TMEM184A: variants seen among roughly 807,000 people sequenced by gnomAD.
TMEM184A encodes sexually dimorphic, expressed in male gonads 1.
A neutral mutation model predicts 39.5 loss-of-function variants in TMEM184A; 40 were observed. That is an observed-to-expected ratio of 1.01 (90% CI 0.79 to 1.32). The LOEUF (loss-of-function observed/expected upper bound fraction) is 1.32. Among genes scored for constraint, TMEM184A ranks in the 40% most tolerant of loss-of-function variants. TMEM184A has a pLI of 0.00. For missense variants in TMEM184A, 603 were observed against 568.8 expected (o/e 1.06, Z -0.61); for synonymous variants, 280 against 252.3 (o/e 1.11, Z -1.04).
In TMEM184A at chr7:1,548,587, A is replaced by G. The variant is rs1364384967; in HGVS notation, c.746T>C (p.Leu249Pro). The change falls in exon 7 of 9, where the codon CTG (leucine) becomes CCG (proline). Residue 249 changes from leucine (L) to proline (P), a missense_variant. Transcript: ENST00000297477. Reference protein sequence around the residue: ...FLFYFTTRELLRPFQPVLKFL... With the variant: ...FLFYFTTRELPRPFQPVLKFL... Reference sequence around the variant, plus strand: ...CTTGAGGACGGGCTGGAAGGGCCGCAGGAGCTCCCTGGTGGTGAAGTAGAA... The same window carrying G: ...CTTGAGGACGGGCTGGAAGGGCCGCGGGAGCTCCCTGGTGGTGAAGTAGAA... The G allele has an allele frequency of 1.2e-6, 2 of 1,613,826 alleles. No homozygotes were observed. Among genetic ancestry groups the G allele is most frequent in the Non-Finnish European group, 1.7e-6 (2 of 1,179,954 alleles).
rs1240094818 is a variant in TMEM184A, at chr7:1,546,853, G to A, written c.*99C>T. ...GCCTCACAGGTGGGCTCTCAGGAGA[G>A]GCCCCACCTTTGGCAGGAGTTGGTG... is the stretch of plus-strand genomic sequence containing the variant. On this transcript the variant is annotated 3_prime_UTR_variant, in exon 9 of 9. Transcript: ENST00000297477. 2.5e-6 allele frequency: 2 copies of A among 811,138 alleles called. No individual in the cohort carries two copies. Among genetic ancestry groups the A allele is most frequent in the African/African-American group, 1.7e-5 (1 of 57,158 alleles). The allele number at this position is 811,138 out of a possible 1,614,324, so 50.2% of individuals were successfully genotyped here. A position where few individuals can be genotyped will look rare whatever the true frequency, so the allele number is the denominator to read the frequency against.
chr7:1,548,335 G>A (rs780277942), intron 7 of TMEM184A, among the ~76,000 whole-genome samples, 184 bp downstream of exon 7: 6 of 152,044 alleles, frequency 3.9e-5, no homozygotes, highest in African/African-American at 1.2e-4. Context: ...CCACTCCCCC[G>A]TGCTGGCGGG....
Position 1,546,910 on chromosome 7 carries a change from T to A in TMEM184A, c.*42A>T, listed in dbSNP as rs1194714331. The A allele has an allele frequency of 7.3e-7, 1 of 1,372,686 alleles. No homozygotes were observed. The highest frequency in any genetic ancestry group is 1.5e-5 in the African/African-American group (1 of 68,596). The allele number at this position is 1,372,686 out of a possible 1,614,324, so 85.0% of individuals were successfully genotyped here. A position where few individuals can be genotyped will look rare whatever the true frequency, so the allele number is the denominator to read the frequency against. On this transcript the variant is annotated 3_prime_UTR_variant, in exon 9 of 9. Coordinates refer to ENST00000297477, the MANE Select transcript of TMEM184A (RefSeq NM_001097620.2). ...GGGACCCTGTTCTTCCCCAGAGGCCTGGGCAGCCTGGGTCCCTACAGCACT... is the reference window on the plus strand; with the variant it reads ...GGGACCCTGTTCTTCCCCAGAGGCCAGGGCAGCCTGGGTCCCTACAGCACT...
intron 2 of TMEM184A, among the ~76,000 whole-genome samples, chr7:1,552,187 AG>A (rs1417833855): frequency 6.6e-6 from 1 of 152,150 alleles, no homozygotes; most frequent in Non-Finnish European, 1.5e-5. Context: ...TGTGTTGCCC[AG>A]GCTGGTCTCA....
intron 2 of TMEM184A, among the ~76,000 whole-genome samples, chr7:1,554,786 A>G (rs1023818995): frequency 9.9e-4 from 150 of 152,238 alleles, no homozygotes; most frequent in African/African-American, 3.4e-3. Flanking sequence ...CCTGCACAGG[A>G]GTCCCGGTCC....
At position 1,542,562 on chromosome 7, in the gene TMEM184A, C is replaced by T. The variant is rs1022978396; in HGVS notation, c.*4390G>A. On this transcript the variant is annotated 3_prime_UTR_variant, in exon 9 of 9. Coordinates refer to ENST00000297477, the MANE Select transcript of TMEM184A (RefSeq NM_001097620.2). ...GCTGGAGAAGGGACTCCCTGGTCCCCAGGGTGGACGGAGCCGCTGTCACCG... is the reference window on the plus strand; with the variant it reads ...GCTGGAGAAGGGACTCCCTGGTCCCTAGGGTGGACGGAGCCGCTGTCACCG... 1 of 152,300 alleles carries T rather than the reference C, an allele frequency of 6.6e-6. No homozygotes were observed. The highest frequency in any genetic ancestry group is 6.5e-5 in the Admixed American group (1 of 15,290). 9.4% of individuals were successfully genotyped at this position (152,300 alleles called of 1,614,324 possible).
Position 1,555,656 on chromosome 7 carries a change from G to T in TMEM184A, c.1-172C>A. Reference sequence around the variant, plus strand: ...CAGCGCCAGGCCCGGCTCCCTCCCTGCTCCGAGCTCAGCCATCGAAGCTCA... The same window carrying T: ...CAGCGCCAGGCCCGGCTCCCTCCCTTCTCCGAGCTCAGCCATCGAAGCTCA... On this transcript the variant is annotated intron_variant, in intron 1 of 8. Transcript: ENST00000297477. This position sits in a 1 kb window ranked among gnomAD's most constrained non-coding sequence, Gnocchi z 5.2. The T allele has an allele frequency of 1.5e-6, 1 of 657,834 alleles. No homozygotes were observed. The highest frequency in any genetic ancestry group is 2.7e-5 in the East Asian group (1 of 36,518). The allele number at this position is 657,834 out of a possible 1,614,324, so 40.7% of individuals were successfully genotyped here.
chr7:1,551,013 G>A (rs1379424826), intron 2 of TMEM184A, 31 bp from the exon 3 acceptor site: 1 of 1,591,414 alleles, frequency 6.3e-7, no homozygotes, highest in Admixed American at 1.8e-5. Flanking sequence ...ATGAGAGCCG[G>A]GCCCGCCTGG....
intron 6 of TMEM184A, chr7:1,549,346 G>GTGGA: frequency 8.2e-5 from 33 of 404,100 alleles, no homozygotes; most frequent in South Asian, 6.0e-4. Flanking sequence ...GGTGAGCTGT[G>GTGGA]TGGACCTTCG....
chr7:1,548,988 C>G (rs1207927977), intron 6 of TMEM184A: 1 of 579,458 alleles, frequency 1.7e-6, no homozygotes, highest in South Asian at 1.5e-5. Flanking sequence ...CAGGCTGCCT[C>G]TGTCGGAACG....
At position 1,550,846 on chromosome 7, in the gene TMEM184A, TAGACG is replaced by T. The variant is rs1784562110; in HGVS notation, c.351_355del (p.Tyr117Ter). ...GTAGCAGTCCCGCACAGAGTCGAAG[TAGACG>T]TAGTACTGGTGGTCTCCGAGGAGGA... On this transcript the variant is annotated stop_gained and frameshift_variant, in exon 3 of 9. Coordinates refer to ENST00000297477, the MANE Select transcript of TMEM184A (RefSeq NM_001097620.2). LOFTEE classifies it high-confidence loss of function. 6.2e-7 allele frequency: 1 copy of T among 1,613,290 alleles called. No homozygotes were observed. The highest frequency in any genetic ancestry group is 1.3e-5 in the African/African-American group (1 of 74,930).
At chr7:1,554,447 C>T (rs141553558) in intron 2 of TMEM184A, among the ~76,000 whole-genome samples, 151 of 152,322 alleles carry the variant, frequency 9.9e-4, no homozygotes, top group Middle Eastern at 3.4e-3. Context: ...GCCACCTCAC[C>T]GCACTGGGGT....
intron 2 of TMEM184A, among the ~76,000 whole-genome samples, chr7:1,551,693 T>G (rs903917893): frequency 6.6e-6 from 1 of 152,084 alleles, no homozygotes; most frequent in Non-Finnish European, 1.5e-5. Flanking sequence ...TCCCAGCACT[T>G]TGGGAGGCCG....
Position 1,553,212 on chromosome 7 carries a change from G to A in TMEM184A, c.219+2054C>T, listed in dbSNP as rs144129546. Among the ~76,000 whole-genome samples, 440 of 151,920 alleles carry A rather than the reference G, an allele frequency of 2.9e-3. 4 individuals carry two copies. Among genetic ancestry groups the A allele is most frequent in the Middle Eastern group, 0.01 (3 of 294 alleles). ...CTGTTGCCCAGGCTGGGGTGCAGTGGCGCAATCTCAACTCACTGCAACCTC... is the reference window on the plus strand; with the variant it reads ...CTGTTGCCCAGGCTGGGGTGCAGTGACGCAATCTCAACTCACTGCAACCTC... On this transcript the variant is annotated intron_variant, in intron 2 of 8. Transcript: ENST00000297477.
intron 6 of TMEM184A, 70 bp downstream of exon 6, chr7:1,549,784 G>T: frequency 2.1e-6 from 3 of 1,436,960 alleles, no homozygotes; most frequent in South Asian, 1.3e-5. Flanking sequence ...GCCTCGTTGG[G>T]CCCCACTCCC....
rs757259610 is a variant in TMEM184A, at chr7:1,555,046, C to A, written c.219+220G>T. On this transcript the variant is annotated intron_variant, in intron 2 of 8. Transcript: ENST00000297477. The surrounding 1 kb of genome is among the most constrained non-coding windows in gnomAD (Gnocchi z 5.2). ...AGCCTGTGAAATAGCCAGGGGTGCC[C>A]GGTGGGCGCTCTGCCCTCAGCCTGG... 1.2e-3 allele frequency among the ~76,000 whole-genome samples: 176 copies of A among 152,170 alleles called. No individual in the cohort carries two copies. Among genetic ancestry groups the A allele is most frequent in the Non-Finnish European group, 2.3e-3 (153 of 67,980 alleles).
In TMEM184A at chr7:1,550,813, C is replaced by T. The variant is rs1412997414; in HGVS notation, c.385+4G>A. On this transcript the variant is annotated splice_donor_region_variant and intron_variant, in intron 3 of 8. Transcript: ENST00000297477. Reference sequence around the variant, plus strand: ...CCCCCGACCTGACGCAGCCTGGCGCCCACCTTCGTAGCAGTCCCGCACAGA... The same window carrying T: ...CCCCCGACCTGACGCAGCCTGGCGCTCACCTTCGTAGCAGTCCCGCACAGA... The T allele has an allele frequency of 6.2e-7, 1 of 1,612,326 alleles. No homozygotes were observed. Among genetic ancestry groups the T allele is most frequent in the Non-Finnish European group, 8.5e-7 (1 of 1,179,696 alleles).
chr7:1,555,643 C>T lies in TMEM184A; in HGVS notation c.1-159G>A, dbSNP rs1460884424. On this transcript the variant is annotated intron_variant, in intron 1 of 8. Transcript: ENST00000297477. This position sits in a 1 kb window ranked among gnomAD's most constrained non-coding sequence, Gnocchi z 5.2. ...CCCACACGGACACCAGCGCCAGGCCCGGCTCCCTCCCTGCTCCGAGCTCAG... is the reference window on the plus strand; with the variant it reads ...CCCACACGGACACCAGCGCCAGGCCTGGCTCCCTCCCTGCTCCGAGCTCAG... 5 of 677,628 alleles carry T rather than the reference C, an allele frequency of 7.4e-6. No individual in the cohort carries two copies. Among genetic ancestry groups the T allele is most frequent in the South Asian group, 1.6e-5 (1 of 63,264 alleles). The allele number at this position is 677,628 out of a possible 1,614,324, so 42.0% of individuals were successfully genotyped here.
At chr7:1,550,485 G>T in intron 3 of TMEM184A, 90 bp from the exon 4 acceptor site, 3 of 1,100,828 alleles carry the variant, frequency 2.7e-6, no homozygotes, top group Non-Finnish European at 3.9e-6. Context: ...GAGGAGGCTC[G>T]GGAGGGGCTG....
Sources: gnomAD v4.1 joint callset for allele counts (sites outside exome capture counted in the v4.1 genomes callset) on GRCh38, gnomAD v4.1.1 for gene constraint, Gnocchi (gnomAD v3.1) non-coding constraint, MANE v1.5 for transcripts, NCBI Gene and HGNC (gene_info 2026-07-23, HGNC 2026-07-21) for gene names.